NFIA: variants seen among roughly 807,000 people sequenced by gnomAD.
NFIA encodes the protein nuclear factor I A.
A neutral mutation model predicts 62.8 loss-of-function variants in NFIA; 8 were observed. The observed-to-expected ratio is 0.13, with a 90% CI of 0.07 to 0.23. The LOEUF (loss-of-function observed/expected upper bound fraction) is 0.23. NFIA is among the 10% of genes least tolerant of loss of function. The probability of loss-of-function intolerance (pLI) is 1.00; values close to 1 mark genes in which losing one functional copy is unlikely to be tolerated. For missense variants in NFIA, 410 were observed against 642.1 expected, an observed-to-expected ratio of 0.64 and a Z score of 3.91; for synonymous variants, 235 against 238.1, an observed-to-expected ratio of 0.99 and a Z score of 0.12.
chr1:61,194,744 A>G (rs1274795930), intron 2 of NFIA, among the ~76,000 whole-genome samples: 1 of 152,172 alleles, frequency 6.6e-6, no homozygotes. Flanking sequence ...ATCTGAACTC[A>G]GTGCCCTTCC....
intron 3 of NFIA, among the ~76,000 whole-genome samples, chr1:61,308,244 A>G (rs1036859913): frequency 1.3e-5 from 2 of 152,230 alleles, no homozygotes; most frequent in African/African-American, 4.8e-5. Context: ...TAGTAATGGT[A>G]GAAAGCAGGT....
chr1:61,388,236 T>G (rs927240346), intron 7 of NFIA, among the ~76,000 whole-genome samples: 3 of 152,202 alleles, frequency 2.0e-5, no homozygotes, highest in Admixed American at 6.5e-5. Flanking sequence ...TTGTACATCG[T>G]TATACGTTAG....
chr1:61,099,936 A>G (rs896059689), intron 2 of NFIA, among the ~76,000 whole-genome samples: 2 of 152,300 alleles, frequency 1.3e-5, no homozygotes, highest in South Asian at 4.1e-4. Flanking sequence ...TTATATGGTT[A>G]ATAAGTGGTT....
At chr1:61,272,541 T>C (rs533388399) in intron 2 of NFIA, among the ~76,000 whole-genome samples, 2 of 152,328 alleles carry the variant, frequency 1.3e-5, no homozygotes, top group East Asian at 3.8e-4. Flanking sequence ...GAATTATTTC[T>C]CTATTACAAC....
intron 3 of NFIA, among the ~76,000 whole-genome samples, chr1:61,306,294 T>TTTC (rs748026405): frequency 9.1e-6 from 1 of 109,704 alleles, no homozygotes; most frequent in African/African-American, 3.6e-5. Flanking sequence ...TTTTTTTTTT[T>TTTC]AAGACAGAGT....
intron 4 of NFIA, among the ~76,000 whole-genome samples, chr1:61,343,978 C>T (rs1222336515): frequency 1.3e-5 from 2 of 152,196 alleles, no homozygotes; most frequent in Non-Finnish European, 2.9e-5. Flanking sequence ...ATCAGTTTTA[C>T]AGCCTCTCAC....
chr1:61,096,547 C>CTTTT (rs369305204), intron 2 of NFIA, among the ~76,000 whole-genome samples: 39 of 80,590 alleles, frequency 4.8e-4, no homozygotes, highest in Non-Finnish European at 6.9e-4. Context: ...AAGATTAGTT[C>CTTTT]TTTTTTTTTT....
chr1:61,240,627 G>A (rs1180867241), intron 2 of NFIA, among the ~76,000 whole-genome samples: 1 of 151,788 alleles, frequency 6.6e-6, no homozygotes, highest in Non-Finnish European at 1.5e-5. Flanking sequence ...ATTTATTTCA[G>A]TATGGACAAA....
upstream of NFIA, chr1:61,082,148 A>G (rs541372781): frequency 2.8e-5 from 19 of 674,094 alleles, no homozygotes; most frequent in Middle Eastern, 5.6e-4. Flanking sequence ...GCCCGGGAGT[A>G]CAGACTGTAA....
intron 2 of NFIA, among the ~76,000 whole-genome samples, chr1:61,264,857 T>C (rs1010496693): frequency 1.6e-4 from 24 of 152,118 alleles, no homozygotes; most frequent in African/African-American, 5.6e-4. Flanking sequence ...ATGTAGATAG[T>C]GTACTTAGGT....
At chr1:61,439,038 C>CACACACCT (rs1262871708) in intron 10 of NFIA, among the ~76,000 whole-genome samples, 2 of 149,918 alleles carry the variant, frequency 1.3e-5, no homozygotes, top group African/African-American at 5.0e-5. Context: ...CACACACACA[C>CACACACCT]ACCTGCTACA....
intron 2 of NFIA, chr1:61,248,941 A>T (rs954251394): frequency 6.6e-6 from 1 of 152,218 alleles, no homozygotes; most frequent in Non-Finnish European, 1.5e-5. Context: ...TTATTAGAAG[A>T]ACATGCATAC....
At chr1:61,292,564 A>G (rs1432484730) in intron 3 of NFIA, among the ~76,000 whole-genome samples, 1 of 152,194 alleles carries the variant, frequency 6.6e-6, no homozygotes, top group Non-Finnish European at 1.5e-5. Context: ...TTAGGCAGAT[A>G]GTTGCATAAA....
chr1:61,275,503 CATTT>C (rs1221571706), intron 2 of NFIA, among the ~76,000 whole-genome samples: 5 of 151,974 alleles, frequency 3.3e-5, no homozygotes, highest in Non-Finnish European at 7.4e-5. Flanking sequence ...AACTATTTTC[CATTT>C]ATTCATAGAG....
intron 10 of NFIA, 47 bp from the exon 11 acceptor site, chr1:61,455,256 T>G: frequency 6.2e-7 from 1 of 1,609,032 alleles, no homozygotes; most frequent in Non-Finnish European, 8.5e-7. Context: ...AAAACACACG[T>G]TTTTACAAAT....
At chr1:61,354,341 G>A (rs934205512) in intron 5 of NFIA, among the ~76,000 whole-genome samples, 1 of 152,148 alleles carries the variant, frequency 6.6e-6, no homozygotes, top group Non-Finnish European at 1.5e-5. Flanking sequence ...AATTAACGAT[G>A]TACAGGTTAG....
chr1:61,341,196 C>T lies in NFIA; in HGVS notation c.700+8610C>T, dbSNP rs139704460. On this transcript the variant is annotated intron_variant, in intron 4 of 10. Transcript: ENST00000403491. ...CTCCTGCCTCCGCCTGCCGAGTAGC[C>T]GGGACTACAGGTGTCCACCACCGCG... is the stretch of plus-strand genomic sequence containing the variant. Among the ~76,000 whole-genome samples, 792 of 151,322 alleles carry T rather than the reference C, an allele frequency of 5.2e-3. 18 individuals are homozygous for T. Among genetic ancestry groups the T allele is most frequent in the African/African-American group, 0.019 (765 of 41,184 alleles).
At chr1:61,106,399 C>T (rs1646601670) in intron 2 of NFIA, among the ~76,000 whole-genome samples, 1 of 151,792 alleles carries the variant, frequency 6.6e-6, no homozygotes, top group Non-Finnish European at 1.5e-5. Flanking sequence ...TTACCTCCTC[C>T]TCACTGCACC....
chr1:61,337,765 G>C (rs1661690116), intron 4 of NFIA, among the ~76,000 whole-genome samples: 1 of 152,308 alleles, frequency 6.6e-6, no homozygotes, highest in African/African-American at 2.4e-5. Flanking sequence ...TCTACTAGCT[G>C]CTAAGTGATG....
Sources: allele counts gnomAD v4.1 joint callset (sites outside exome capture counted in the v4.1 genomes callset), GRCh38; gene constraint gnomAD v4.1.1; transcripts MANE v1.5; gene names NCBI Gene and HGNC (gene_info 2026-07-23, HGNC 2026-07-21).